The following FAM53B variants were observed in gnomAD, a reference collection of about 807,000 sequenced individuals.
FAM53B encodes protein FAM53B.
A neutral mutation model predicts 32.7 loss-of-function variants in FAM53B; 12 were observed. The observed-to-expected ratio is 0.37, with a 90% confidence interval of 0.24 to 0.59. FAM53B has a LOEUF of 0.59. FAM53B is among the 20% of genes least tolerant of loss of function. The pLI is 0.72. For synonymous variants in FAM53B, 234 were observed against 228.7 expected, an observed-to-expected ratio of 1.02 and a Z score of -0.21; for missense variants, 477 against 577.7, an observed-to-expected ratio of 0.83 and a Z score of 1.79.
chr10:124,682,487 A>C lies in FAM53B; in HGVS notation c.134-108T>G. Reference sequence around the variant, plus strand: ...TTTCAAACACAGTATCTTAGAGCCAAAAGGCCCTTAGAAACCATCCAGTCC... The same window carrying C: ...TTTCAAACACAGTATCTTAGAGCCACAAGGCCCTTAGAAACCATCCAGTCC... On this transcript the variant is annotated intron_variant, in intron 3 of 4. Coordinates refer to ENST00000337318, the MANE Select transcript of FAM53B (RefSeq NM_014661.4). The surrounding 1 kb of genome is among the most constrained non-coding windows in gnomAD (Gnocchi z 5.2). 2 of 982,576 alleles carry C rather than the reference A, an allele frequency of 2.0e-6. No individual in the cohort carries two copies. The highest frequency in any genetic ancestry group is 3.4e-5 in the South Asian group (2 of 58,614). 60.9% of individuals were successfully genotyped at this position (982,576 alleles called of 1,614,324 possible).
At chr10:124,729,712 T>A (rs1950129097) in intron 1 of FAM53B, among the ~76,000 whole-genome samples, 1 of 152,212 alleles carries the variant, frequency 6.6e-6, no homozygotes. Context: ...GACTGTACAA[T>A]GCATTTCAGA....
At position 124,621,078 on chromosome 10, in the gene FAM53B, C is replaced by T. The variant is rs1292431415; in HGVS notation, c.*2164G>A. 6.6e-6 allele frequency: 1 copy of T among 152,282 alleles called. No individual in the cohort carries two copies. Among genetic ancestry groups the T allele is most frequent in the Non-Finnish European group, 1.5e-5 (1 of 68,072 alleles). 9.4% of individuals were successfully genotyped at this position (152,282 alleles called of 1,614,324 possible). A position where few individuals can be genotyped will look rare whatever the true frequency, so the allele number is the denominator to read the frequency against. On this transcript the variant is annotated 3_prime_UTR_variant, in exon 5 of 5. Coordinates refer to ENST00000337318, the MANE Select transcript of FAM53B (RefSeq NM_014661.4). ...TATACCTGTCACCATGTGCCTCCCA[C>T]CCCAGCCCTAAGCAAAGGTAGCTGG...
intron 4 of FAM53B, among the ~76,000 whole-genome samples, chr10:124,666,184 G>A (rs777855813): frequency 6.6e-6 from 1 of 152,232 alleles, no homozygotes; most frequent in Non-Finnish European, 1.5e-5. Context: ...TGACATTCCT[G>A]TGAATCCCTC....
At chr10:124,685,646 C>G (rs945781849) in intron 3 of FAM53B, among the ~76,000 whole-genome samples, 3 of 152,252 alleles carry the variant, frequency 2.0e-5, no homozygotes, top group Non-Finnish European at 4.4e-5. Context: ...TGATCCCACT[C>G]TCAGAGGATA....
intron 1 of FAM53B, among the ~76,000 whole-genome samples, chr10:124,737,297 G>A (rs2629541): frequency 0.2 from 30,692 of 152,086 alleles, 3,485 homozygotes; most frequent in Non-Finnish European, 0.25. Flanking sequence ...CAACACAGCC[G>A]GGCAGACTGA....
At chr10:124,666,558 G>A (rs1379214254) in intron 4 of FAM53B, among the ~76,000 whole-genome samples, 1 of 152,164 alleles carries the variant, frequency 6.6e-6, no homozygotes, top group Admixed American at 6.5e-5. Context: ...ATGGCCCAGG[G>A]CCTGTCATGC....
At chr10:124,675,791 C>T (rs1949732887) in intron 4 of FAM53B, among the ~76,000 whole-genome samples, 1 of 152,380 alleles carries the variant, frequency 6.6e-6, no homozygotes, top group African/African-American at 2.4e-5. Context: ...GTCAAGAGGT[C>T]AGGGTTCCCA....
intron 4 of FAM53B, among the ~76,000 whole-genome samples, chr10:124,635,383 G>A (rs911914693): frequency 1.6e-4 from 24 of 152,098 alleles, no homozygotes; most frequent in South Asian, 2.1e-4. Context: ...CACCACGCTC[G>A]GCCGACACAA....
chr10:124,648,112 A>G (rs1342469585), intron 4 of FAM53B, among the ~76,000 whole-genome samples: 1 of 152,154 alleles, frequency 6.6e-6, no homozygotes, highest in African/African-American at 2.4e-5. Context: ...GCAGGGCACA[A>G]TGGCACACCC....
At chr10:124,623,629 T>C in intron 4 of FAM53B, 25 bp from the exon 5 acceptor site, 1 of 1,594,294 alleles carries the variant, frequency 6.3e-7, no homozygotes, top group Non-Finnish European at 8.5e-7. Flanking sequence ...ACACACAGGT[T>C]ACTAAGGGTT....
intron 1 of FAM53B, among the ~76,000 whole-genome samples, chr10:124,720,058 GAGGCTGAGGCAGGAGA>G (rs1444518759): frequency 2.0e-5 from 3 of 151,952 alleles, no homozygotes. Flanking sequence ...AGCTACTTGG[GAGGCTGAGGCAGGAGA>G]ATTGCTTGAA....
At chr10:124,634,786 C>T (rs949264735) in intron 4 of FAM53B, among the ~76,000 whole-genome samples, 14 of 152,178 alleles carry the variant, frequency 9.2e-5, no homozygotes, top group Middle Eastern at 3.4e-3. Flanking sequence ...CTGAAGGGGA[C>T]GGGGAGTGAC....
chr10:124,653,957 T>C (rs1194160931), intron 4 of FAM53B, among the ~76,000 whole-genome samples: 2 of 152,190 alleles, frequency 1.3e-5, no homozygotes, highest in East Asian at 3.9e-4. Flanking sequence ...GGTAACCTTC[T>C]GGAAGCCGAC....
rs930351298 is a variant in FAM53B, at chr10:124,619,614, T to C, written c.*3628A>G. On this transcript the variant is annotated 3_prime_UTR_variant, in exon 5 of 5. Coordinates refer to ENST00000337318, the MANE Select transcript of FAM53B (RefSeq NM_014661.4). ...AAAAGACTATGCTAGAAGGTCAGAC[T>C]ATCCTATCTAGGCTACAAGATCTCC... 1 of 151,480 alleles carries C rather than the reference T, an allele frequency of 6.6e-6. No homozygotes were observed. Among genetic ancestry groups the C allele is most frequent in the East Asian group, 2.0e-4 (1 of 5,126 alleles). 9.4% of individuals were successfully genotyped at this position (151,480 alleles called of 1,614,324 possible).
chr10:124,692,393 C>G (rs774408974), intron 3 of FAM53B, among the ~76,000 whole-genome samples: 4 of 152,094 alleles, frequency 2.6e-5, no homozygotes, highest in African/African-American at 9.7e-5. Context: ...GCGTGAAGTG[C>G]TTTTAATTAA....
At chr10:124,630,415 C>CA (rs1321594499) in intron 4 of FAM53B, among the ~76,000 whole-genome samples, 1 of 152,082 alleles carries the variant, frequency 6.6e-6, no homozygotes, top group Non-Finnish European at 1.5e-5. Context: ...CCTGTCTCTC[C>CA]AAAAAAAGAA....
chr10:124,705,385 G>A (rs1949947908), intron 2 of FAM53B, among the ~76,000 whole-genome samples: 1 of 152,220 alleles, frequency 6.6e-6, no homozygotes, highest in Non-Finnish European at 1.5e-5. Flanking sequence ...CAAGGAGGCT[G>A]GACCCAACGG....
Position 124,688,877 on chromosome 10 carries a change from T to C in FAM53B, c.134-6498A>G, listed in dbSNP as rs543921133. Among the ~76,000 whole-genome samples the C allele has an allele frequency of 3.9e-5, 6 of 152,310 alleles. No homozygotes were observed. The South Asian group carries it at 1.2e-3, about 32-fold the overall frequency. On this transcript the variant is annotated intron_variant, in intron 3 of 4. Transcript: ENST00000337318. Reference sequence around the variant, plus strand: ...TTGGGGGACTATAAACCTTCATATTTTCAAAAGATAGAGGAGCTTTATAGC... The same window carrying C: ...TTGGGGGACTATAAACCTTCATATTCTCAAAAGATAGAGGAGCTTTATAGC...
intron 4 of FAM53B, among the ~76,000 whole-genome samples, chr10:124,667,920 G>T (rs554460039): frequency 3.3e-5 from 5 of 152,162 alleles, no homozygotes; most frequent in African/African-American, 1.2e-4. Context: ...ATGGGGAGGA[G>T]GACACTGAGG....
Sources: allele counts gnomAD v4.1 joint callset (sites outside exome capture counted in the v4.1 genomes callset), GRCh38; gene constraint gnomAD v4.1.1; non-coding constraint Gnocchi (gnomAD v3.1); transcripts MANE v1.5; gene names NCBI Gene and HGNC (gene_info 2026-07-23, HGNC 2026-07-21).